Variants in RALGPS2 observed in about 807,000 individuals in gnomAD.
RALGPS2 encodes ras-specific guanine nucleotide-releasing factor RalGPS2.
Under a neutral mutation model 86.8 loss-of-function variants are expected in RALGPS2, and 43 were observed. The observed-to-expected ratio is 0.50, with a 90% CI of 0.39 to 0.64. The LOEUF (loss-of-function observed/expected upper bound fraction) is 0.64. Ranked by LOEUF, RALGPS2 falls within the 30% of genes least tolerant of loss-of-function variation. RALGPS2 has a pLI of 0.00. For missense variants in RALGPS2, 536 were observed against 694.6 expected (o/e 0.77, Z 2.57); for synonymous variants, 243 against 231.3 (o/e 1.05, Z -0.46).
intron 6 of RALGPS2, among the ~76,000 whole-genome samples, chr1:178,815,802 A>G (rs1036775402): frequency 6.6e-6 from 1 of 152,216 alleles, no homozygotes; most frequent in African/African-American, 2.4e-5. Flanking sequence ...CTGCTACAAT[A>G]TAGATGAAGG....
At chr1:178,748,216 A>C (rs1206102201) in intron 1 of RALGPS2, among the ~76,000 whole-genome samples, 3 of 151,852 alleles carry the variant, frequency 2.0e-5, no homozygotes, top group Non-Finnish European at 2.9e-5. Context: ...GCCACTCGGG[A>C]GGCTGAGGCA....
At chr1:178,733,386 A>G (rs1650505255) in intron 1 of RALGPS2, among the ~76,000 whole-genome samples, 1 of 152,232 alleles carries the variant, frequency 6.6e-6, no homozygotes, top group Admixed American at 6.5e-5. Context: ...GAATCAGGCA[A>G]CCCAGTTTTA....
chr1:178,788,918 T>C lies in RALGPS2; in HGVS notation c.213+3311T>C, dbSNP rs189299413. 6.6e-5 allele frequency among the ~76,000 whole-genome samples: 10 copies of C among 151,644 alleles called. No homozygotes were observed. The East Asian group carries it at 1.7e-3, about 26-fold the overall frequency. ...CTTTCTTTCTTCTTCTTTTTTCTTT[T>C]TTTTTGACAATCTTGCTCTGTCACC... On this transcript the variant is annotated intron_variant, in intron 4 of 19. Coordinates refer to ENST00000367635, the MANE Select transcript of RALGPS2 (RefSeq NM_152663.5).
intron 4 of RALGPS2, among the ~76,000 whole-genome samples, chr1:178,804,022 G>A (rs1413406464): frequency 2.7e-5 from 4 of 150,026 alleles, no homozygotes; most frequent in Non-Finnish European, 4.4e-5. Context: ...AAGGACTATA[G>A]TATCATCTTA....
chr1:178,871,370 A>G (rs888915269), intron 8 of RALGPS2, among the ~76,000 whole-genome samples: 2 of 152,172 alleles, frequency 1.3e-5, no homozygotes, highest in Non-Finnish European at 2.9e-5. Flanking sequence ...TACCGAAAAA[A>G]AAAATAGTGC....
chr1:178,867,889 A>G (rs1206554181), intron 8 of RALGPS2, among the ~76,000 whole-genome samples: 1 of 151,940 alleles, frequency 6.6e-6, no homozygotes, highest in Admixed American at 6.6e-5. Flanking sequence ...TGCTACTTTC[A>G]CTTTCTAAAA....
At chr1:178,829,435 A>G (rs909405535) in intron 7 of RALGPS2, among the ~76,000 whole-genome samples, 4 of 152,176 alleles carry the variant, frequency 2.6e-5, no homozygotes, top group African/African-American at 9.7e-5. Context: ...GCAGCATTAG[A>G]TTCTCATAGG....
At chr1:178,767,819 A>G (rs1194670494) in intron 1 of RALGPS2, among the ~76,000 whole-genome samples, 1 of 152,202 alleles carries the variant, frequency 6.6e-6, no homozygotes, top group Non-Finnish European at 1.5e-5. Flanking sequence ...TAGAAGCTGT[A>G]GCAGGTGCAG....
intron 19 of RALGPS2, among the ~76,000 whole-genome samples, chr1:178,910,208 G>A (rs1660569970): frequency 6.6e-6 from 1 of 152,114 alleles, no homozygotes; most frequent in African/African-American, 2.4e-5. Flanking sequence ...AGTCTGAAGA[G>A]AGATGGTTTG....
intron 8 of RALGPS2, 53 bp from the exon 9 acceptor site, chr1:178,877,445 T>TA: frequency 6.2e-7 from 1 of 1,602,078 alleles, no homozygotes; most frequent in South Asian, 1.1e-5. Context: ...TTCTTTGTCA[T>TA]AGTCTCCCAA....
At chr1:178,832,053 C>T (rs935082666) in intron 7 of RALGPS2, among the ~76,000 whole-genome samples, 4 of 152,100 alleles carry the variant, frequency 2.6e-5, no homozygotes, top group African/African-American at 7.2e-5. Context: ...TATCATTATC[C>T]CTATGTCACA....
At chr1:178,888,705 T>TA (rs367773032) in intron 13 of RALGPS2, among the ~76,000 whole-genome samples, 247 of 152,288 alleles carry the variant, frequency 1.6e-3, no homozygotes, top group African/African-American at 5.5e-3. Context: ...TATCTCAGTT[T>TA]ATCCAAGGAT....
In RALGPS2 at chr1:178,841,158, G is replaced by A. The variant is rs545737776; in HGVS notation, c.607+7608G>A. Among the ~76,000 whole-genome samples, 166 of 152,152 alleles carry A rather than the reference G, an allele frequency of 1.1e-3. 1 individual carries two copies. The highest frequency in any genetic ancestry group is 2.9e-3 in the South Asian group (14 of 4,814). ...CTCCCTAACTCATTTTATGAGGCCAGCATCATCCTGATACCAAAGCCTGGC... is the reference window on the plus strand; with the variant it reads ...CTCCCTAACTCATTTTATGAGGCCAACATCATCCTGATACCAAAGCCTGGC... On this transcript the variant is annotated intron_variant, in intron 8 of 19. Coordinates refer to ENST00000367635, the MANE Select transcript of RALGPS2 (RefSeq NM_152663.5).
intron 4 of RALGPS2, 93 bp from the exon 5 acceptor site, chr1:178,807,952 G>A: frequency 1.2e-6 from 1 of 802,672 alleles, no homozygotes; most frequent in Non-Finnish European, 2.1e-6. Context: ...TTCTAGAAAA[G>A]AACACAAACT....
chr1:178,788,116 C>G (rs978782124), intron 4 of RALGPS2, among the ~76,000 whole-genome samples: 1 of 152,202 alleles, frequency 6.6e-6, no homozygotes, highest in African/African-American at 2.4e-5. Flanking sequence ...CACCACTGAG[C>G]CTGTGCACAT....
At chr1:178,915,587 G>A (rs991855446) in intron 19 of RALGPS2, among the ~76,000 whole-genome samples, 1 of 152,200 alleles carries the variant, frequency 6.6e-6, no homozygotes, top group Non-Finnish European at 1.5e-5. Context: ...AAGCACTTGA[G>A]CATTTGTGTT....
chr1:178,865,622 GT>G (rs1374584103), intron 8 of RALGPS2: 1 of 1,614,014 alleles, frequency 6.2e-7, no homozygotes, highest in Non-Finnish European at 8.5e-7. Context: ...TACCAGGAAT[GT>G]GTATGCACAT....
chr1:178,869,468 T>C (rs1658614603), intron 8 of RALGPS2, among the ~76,000 whole-genome samples: 1 of 152,094 alleles, frequency 6.6e-6, no homozygotes, highest in Non-Finnish European at 1.5e-5. Flanking sequence ...TCTGTGTAAT[T>C]TGGGGTTCAG....
chr1:178,756,375 T>C (rs1651958297), intron 1 of RALGPS2, among the ~76,000 whole-genome samples: 1 of 152,222 alleles, frequency 6.6e-6, no homozygotes, highest in African/African-American at 2.4e-5. Context: ...GTTCTGCATA[T>C]GGCTAGCCAG....
Sources: gnomAD v4.1 joint callset for allele counts (sites outside exome capture counted in the v4.1 genomes callset) on GRCh38, gnomAD v4.1.1 for gene constraint, MANE v1.5 for transcripts, NCBI Gene and HGNC (gene_info 2026-07-23, HGNC 2026-07-21) for gene names.